The following TECRL variants were observed in gnomAD, a reference collection of about 807,000 sequenced individuals.
TECRL encodes trans-2,3-enoyl-CoA reductase-like.
Under a neutral mutation model 52.8 loss-of-function variants are expected in TECRL, and 63 were observed. That is an observed-to-expected ratio of 1.19 (90% CI 0.97 to 1.47). The LOEUF is 1.47. TECRL is among the 40% of genes most tolerant of loss of function. TECRL has a pLI of 0.00. For synonymous variants in TECRL, 164 were observed against 141.9 expected, an observed-to-expected ratio of 1.16 and a Z score of -1.10; for missense variants, 482 against 429.6, an observed-to-expected ratio of 1.12 and a Z score of -1.08.
At position 64,398,856 on chromosome 4, in the gene TECRL, G is replaced by A. The variant is rs142052220; in HGVS notation, c.234+10262C>T. Among the ~76,000 whole-genome samples, 201 of 152,132 alleles carry A rather than the reference G, an allele frequency of 1.3e-3. 1 individual carries two copies. Among genetic ancestry groups the A allele is most frequent in the Middle Eastern group, 3.4e-3 (1 of 294 alleles). On this transcript the variant is annotated intron_variant, in intron 1 of 11. Transcript: ENST00000381210. The stretch of plus-strand genomic sequence containing the variant: ...GGGACCAAAATTCTGATAATGATAC[G>A]GACAGTGAATTCTAGGCTGAAGATG...
At chr4:64,408,705 C>T (rs1724895264) in intron 1 of TECRL, among the ~76,000 whole-genome samples, 1 of 151,978 alleles carries the variant, frequency 6.6e-6, no homozygotes, top group South Asian at 2.1e-4. Context: ...ACTACTGTGG[C>T]TTTTGCTTAC....
intron 7 of TECRL, among the ~76,000 whole-genome samples, chr4:64,301,146 G>T (rs1473425653): frequency 6.6e-6 from 1 of 150,662 alleles, no homozygotes; most frequent in Non-Finnish European, 1.5e-5. Context: ...AAAAATATTA[G>T]CAGAGAACAT....
intron 9 of TECRL, among the ~76,000 whole-genome samples, chr4:64,285,856 A>C (rs1389862906): frequency 1.3e-5 from 2 of 152,060 alleles, no homozygotes; most frequent in Non-Finnish European, 1.5e-5. Flanking sequence ...TGGAAGCTTA[A>C]AAGGGAAGGG....
chr4:64,284,261 G>A (rs1032415873), intron 9 of TECRL, among the ~76,000 whole-genome samples: 5 of 152,060 alleles, frequency 3.3e-5, no homozygotes, highest in Non-Finnish European at 7.4e-5. Context: ...AAGAAGAAAT[G>A]TTAGAATTTC....
At chr4:64,323,359 T>C (rs773015523) in intron 3 of TECRL, among the ~76,000 whole-genome samples, 12 of 151,990 alleles carry the variant, frequency 7.9e-5, no homozygotes, top group Non-Finnish European at 1.3e-4. Flanking sequence ...ATCGCTTCAC[T>C]GTACTCCAGT....
chr4:64,357,858 C>T (rs1056471629), intron 2 of TECRL, among the ~76,000 whole-genome samples: 1 of 151,348 alleles, frequency 6.6e-6, no homozygotes, highest in African/African-American at 2.4e-5. Context: ...GTATCTGTTA[C>T]ATGTATATTA....
intron 1 of TECRL, among the ~76,000 whole-genome samples, chr4:64,398,926 C>A (rs113508667): frequency 0.012 from 1,828 of 152,238 alleles, 17 homozygotes; most frequent in Non-Finnish European, 0.02. Flanking sequence ...GATAAAAGGT[C>A]ACTTTGCTAT....
intron 8 of TECRL, chr4:64,299,322 T>C (rs1049555142): frequency 3.3e-5 from 5 of 150,990 alleles, no homozygotes; most frequent in Admixed American, 2.0e-4. Context: ...AGATGAATCA[T>C]AGGAGTTAAC....
chr4:64,309,976 T>G, intron 5 of TECRL, 45 bp from the exon 6 acceptor site: 1 of 1,324,462 alleles, frequency 7.6e-7, no homozygotes, highest in South Asian at 1.3e-5. Flanking sequence ...CTTTTGAAGT[T>G]CTGGCTTGCC....
intron 7 of TECRL, among the ~76,000 whole-genome samples, chr4:64,302,188 CTAG>C (rs1331190633): frequency 6.6e-6 from 1 of 151,216 alleles, no homozygotes; most frequent in Non-Finnish European, 1.5e-5. Flanking sequence ...AAAATAAACT[CTAG>C]TAGAATATGT....
At position 64,277,774 on chromosome 4, in the gene TECRL, A is replaced by T. The variant is rs147488525; in HGVS notation, c.*2298T>A. 1.0e-4 allele frequency: 15 copies of T among 144,268 alleles called. No individual in the cohort carries two copies. The highest frequency in any genetic ancestry group is 3.6e-4 in the African/African-American group (14 of 38,806). The allele number at this position is 144,268 out of a possible 1,614,324, so 8.9% of individuals were successfully genotyped here. A position where few individuals can be genotyped will look rare whatever the true frequency, so the allele number is the denominator to read the frequency against. On this transcript the variant is annotated 3_prime_UTR_variant, in exon 12 of 12. Transcript: ENST00000381210. ...TACTCCATAGACTAACAAATCTAAA[A>T]ATCACAATTTAAAAATGAAGAAACT... is the stretch of plus-strand genomic sequence containing the variant.
intron 1 of TECRL, among the ~76,000 whole-genome samples, chr4:64,394,310 C>T (rs191738454): frequency 8.3e-4 from 126 of 152,208 alleles, no homozygotes; most frequent in Non-Finnish European, 1.1e-3. Context: ...AACTATCAAA[C>T]ATAATAGCAC....
At chr4:64,283,536 G>A (rs1722934870) in intron 9 of TECRL, among the ~76,000 whole-genome samples, 1 of 151,902 alleles carries the variant, frequency 6.6e-6, no homozygotes, top group East Asian at 1.9e-4. Flanking sequence ...ATTCTATCTG[G>A]TCTAATATTA....
chr4:64,406,123 A>G (rs1024113169), intron 1 of TECRL, among the ~76,000 whole-genome samples: 3 of 149,758 alleles, frequency 2.0e-5, no homozygotes, highest in Non-Finnish European at 4.4e-5. Context: ...CAGCAGAGGC[A>G]AGAGAAAGCT....
chr4:64,372,986 A>G (rs1294568967), intron 2 of TECRL, among the ~76,000 whole-genome samples: 1 of 151,736 alleles, frequency 6.6e-6, no homozygotes, highest in Non-Finnish European at 1.5e-5. Flanking sequence ...GGCAATTAAG[A>G]GAGAAGTTCT....
chr4:64,378,867 A>C (rs1014242791), intron 1 of TECRL, among the ~76,000 whole-genome samples: 5 of 148,978 alleles, frequency 3.4e-5, no homozygotes, highest in African/African-American at 1.2e-4. Context: ...TTTATCTAAG[A>C]AATTGAAATG....
chr4:64,277,131 CAGTA>C (rs1191821328), downstream of TECRL: 20 of 965,686 alleles, frequency 2.1e-5, no homozygotes, highest in East Asian at 5.1e-4. Flanking sequence ...TGTCTGCCAA[CAGTA>C]AGGGAATAAC....
At chr4:64,290,004 C>T (rs1356505527) in intron 8 of TECRL, among the ~76,000 whole-genome samples, 1 of 152,066 alleles carries the variant, frequency 6.6e-6, no homozygotes, top group Non-Finnish European at 1.5e-5. Context: ...ATATTTTTCA[C>T]GCTGTTTGAT....
chr4:64,281,220 ATAATT>A lies in TECRL; in HGVS notation c.919-139_919-135del, dbSNP rs1347106141. 8.3e-6 allele frequency: 5 copies of A among 600,732 alleles called. No homozygotes were observed. The African/African-American group carries it at 9.5e-5, about 11-fold the overall frequency. The allele number at this position is 600,732 out of a possible 1,614,324, so 37.2% of individuals were successfully genotyped here. ...GATAGGAATACATTTTCAAGAAATA[ATAATT>A]TAATTTTTACATATAAAGTCATAAG... On this transcript the variant is annotated intron_variant, in intron 10 of 11. Transcript: ENST00000381210.
Sources: gnomAD v4.1 joint callset for allele counts (sites outside exome capture counted in the v4.1 genomes callset) on GRCh38, gnomAD v4.1.1 for gene constraint, MANE v1.5 for transcripts, NCBI Gene and HGNC (gene_info 2026-07-23, HGNC 2026-07-21) for gene names.